C16orf96: variants seen among roughly 807,000 people sequenced by gnomAD.
C16orf96 encodes the protein chromosome 16 open reading frame 96, also known as uncharacterized protein C16orf96.
C16orf96 carries 108 observed loss-of-function variants against 103.6 expected under a neutral mutation model. The ratio of observed to expected loss-of-function variants is 1.04; its 90% CI spans 0.89 to 1.22. C16orf96 has a LOEUF of 1.22. C16orf96 is among the 50% of genes most tolerant of loss of function. The probability of loss-of-function intolerance (pLI) is 0.00; values close to 1 mark genes in which losing one functional copy is unlikely to be tolerated. For missense variants in C16orf96, 1,586 were observed against 1,464.2 expected (o/e 1.08, Z -1.36); for synonymous variants, 566 against 593.5 (o/e 0.95, Z 0.67).
chr16:4,553,675 A>G (rs113823292), upstream of C16orf96, among the ~76,000 whole-genome samples: 29 of 152,066 alleles, frequency 1.9e-4, no homozygotes, highest in East Asian at 3.9e-4. Context: ...GTGTCTTGCT[A>G]TGTTGCTCAG....
chr16:4,580,014 G>T lies in C16orf96; in HGVS notation c.2242-1G>T. The stretch of plus-strand genomic sequence containing the variant: ...GGGGTGTCTGTGTCTCCCCCTTTTA[G>T]GAGGAAGAACTTGAGAGAATTTGGG... On this transcript the variant is annotated splice_acceptor_variant, in intron 6 of 15. Transcript: ENST00000444310. LOFTEE classifies it high-confidence loss of function. 6.4e-7 allele frequency: 1 copy of T among 1,550,896 alleles called. No individual in the cohort carries two copies. The highest frequency in any genetic ancestry group is 8.7e-7 in the Non-Finnish European group (1 of 1,146,522).
chr16:4,586,591 G>C (rs1896933284), intron 7 of C16orf96, among the ~76,000 whole-genome samples: 1 of 152,196 alleles, frequency 6.6e-6, no homozygotes, highest in Non-Finnish European at 1.5e-5. Flanking sequence ...GGTTCTTTGT[G>C]GAGTTGTGGG....
Position 4,575,179 on chromosome 16 carries a change from T to C in C16orf96, c.699T>C (p.Ile233=). Residue 233 remains isoleucine (I), a synonymous_variant, in exon 5 of 16, where the codon ATT becomes ATC. Transcript: ENST00000444310. The part of the protein sequence containing the change: ...GLHDAMFTSE[I]GSSPLDLWQS... ...CTCTGCCCCCTCTTCTGCAGGAAAT[T>C]GGTTCATCACCACTGGACCTGTGGC... 6.5e-7 allele frequency: 1 copy of C among 1,545,830 alleles called. No individual in the cohort carries two copies.
At chr16:4,540,062 C>G in the C16orf96 span, among the ~76,000 whole-genome samples, 1 of 152,198 alleles carries the variant, frequency 6.6e-6, no homozygotes, top group Non-Finnish European at 1.5e-5. Flanking sequence ...GTGGATTAAA[C>G]TCTTTCTCTA....
chr16:4,555,277 C>T (rs1358215736), upstream of C16orf96, among the ~76,000 whole-genome samples: 3 of 10,864 alleles, frequency 2.8e-4, no homozygotes, highest in African/African-American at 9.8e-4. Context: ...ACTACACACA[C>T]ACACACACAC....
chr16:4,565,695 G>A (rs2059379718), intron 1 of C16orf96, among the ~76,000 whole-genome samples: 1 of 152,114 alleles, frequency 6.6e-6, no homozygotes, highest in Non-Finnish European at 1.5e-5. Context: ...TACCATGTTG[G>A]CCAGGCTGAT....
chr16:4,575,109 T>A, intron 4 of C16orf96, 51 bp downstream of exon 4: 1 of 1,549,262 alleles, frequency 6.5e-7, no homozygotes, highest in Non-Finnish European at 8.7e-7. Context: ...AGCAGGCGGG[T>A]GGCTGACTGA....
chr16:4,568,849 C>T (rs547161376), intron 1 of C16orf96, among the ~76,000 whole-genome samples: 7 of 151,352 alleles, frequency 4.6e-5, no homozygotes, highest in Non-Finnish European at 8.9e-5. Context: ...AGGCTGGTTT[C>T]GAACTCCTGG....
chr16:4,574,734 T>C lies in C16orf96; in HGVS notation c.551T>C (p.Phe184Ser). Residue 184 changes from phenylalanine (F) to serine (S), a missense_variant, in exon 3 of 16, where the codon TTT becomes TCT. By Grantham distance (155) the Phe-to-Ser change is radical (BLOSUM62 -2). Coordinates refer to ENST00000444310, the MANE Select transcript of C16orf96 (RefSeq NM_001145011.2). ...DKVHPERMDIFAEDFKIQNWK... is the reference protein window; with the variant it reads ...DKVHPERMDISAEDFKIQNWK... ...GTACACCCAGAAAGAATGGACATCT[T>C]TGCTGAAGACTTCAAAATACAGAAC... The C allele has an allele frequency of 6.4e-7, 1 of 1,551,882 alleles. No individual in the cohort carries two copies. The highest frequency in any genetic ancestry group is 1.4e-5 in the African/African-American group (1 of 73,154).
chr16:4,581,078 C>A (rs1291876725), intron 7 of C16orf96, among the ~76,000 whole-genome samples: 3 of 144,364 alleles, frequency 2.1e-5, no homozygotes, highest in Non-Finnish European at 3.0e-5. Flanking sequence ...GAGCCCCGAT[C>A]GTGCCATTGC....
intron 1 of C16orf96, among the ~76,000 whole-genome samples, chr16:4,565,375 CAGG>C (rs2059376597): frequency 6.6e-6 from 1 of 152,228 alleles, no homozygotes; most frequent in African/African-American, 2.4e-5. Flanking sequence ...TTCCCCAGGA[CAGG>C]AGTCCAGAGC....
In C16orf96 at chr16:4,600,715, T is replaced by G; in HGVS notation, c.*398T>G. The stretch of plus-strand genomic sequence containing the variant: ...ATAAATACAAACAGCACAGTGCACA[T>G]TCTCATTCTACATTGTCATATAAAC... On this transcript the variant is annotated 3_prime_UTR_variant, in exon 16 of 16. Coordinates refer to ENST00000444310, the MANE Select transcript of C16orf96 (RefSeq NM_001145011.2). 1 of 197,304 alleles carries G rather than the reference T, an allele frequency of 5.1e-6. No individual in the cohort carries two copies. Among genetic ancestry groups the G allele is most frequent in the Non-Finnish European group, 1.1e-5 (1 of 94,428 alleles). The allele number at this position is 197,304 out of a possible 1,614,324, so 12.2% of individuals were successfully genotyped here. A position where few individuals can be genotyped will look rare whatever the true frequency, so the allele number is the denominator to read the frequency against.
In C16orf96 at chr16:4,573,534, C is replaced by T. The variant is rs566861762; in HGVS notation, c.526-1175C>T. ...TTGGGAGGCTGAGGTGGGCAGATCA[C>T]AAGGTCAGGAGATCGAGACCATCCT... On this transcript the variant is annotated intron_variant, in intron 2 of 15. Transcript: ENST00000444310. Among the ~76,000 whole-genome samples the T allele has an allele frequency of 5.3e-5, 8 of 149,668 alleles. No homozygotes were observed. The East Asian group carries it at 1.2e-3, about 22-fold the overall frequency.
rs141290971 is a variant in C16orf96 at position 4,586,996 on chromosome 16, A to G, written c.2353-43A>G. On this transcript the variant is annotated intron_variant, in intron 7 of 15. Coordinates refer to ENST00000444310, the MANE Select transcript of C16orf96 (RefSeq NM_001145011.2). ...GTGGGAGGTTGACATTTTATCCTCA[A>G]GGCTCTCCAGGATGGCAGACATGCC... 5.7e-4 allele frequency: 876 copies of G among 1,524,384 alleles called. 19 individuals carry two copies. The East Asian group carries it at 0.021, about 37-fold the overall frequency. The allele number at this position is 1,524,384 out of a possible 1,614,324, so 94.4% of individuals were successfully genotyped here.
rs1417257888 is a variant in C16orf96, at chr16:4,576,249, A to T, written c.1769A>T (p.Lys590Ile). 1 of 1,550,784 alleles carries T rather than the reference A, an allele frequency of 6.4e-7. No homozygotes were observed. Among genetic ancestry groups the T allele is most frequent in the Admixed American group, 2.0e-5 (1 of 50,998 alleles). ...ACATCCTCCGCTGCCCAGGCAGCCA[A>T]AGTTGCTGCCAAGTTTGTCAAGGAT... The part of the protein sequence containing the change: ...AATSSAAQAA[K>I]VAAKFVKDAP... Residue 590 changes from lysine (K) to isoleucine (I), a missense_variant, in exon 5 of 16, where the codon AAA becomes ATA. Transcript: ENST00000444310.
chr16:4,577,930 C>T (rs530845763), intron 5 of C16orf96, among the ~76,000 whole-genome samples: 79 of 152,046 alleles, frequency 5.2e-4, no homozygotes, highest in Admixed American at 2.4e-3. Context: ...CCCGCCTGGG[C>T]GATAGCGAGA....
intron 14 of C16orf96, among the ~76,000 whole-genome samples, chr16:4,596,148 G>T (rs1897166716): frequency 1.3e-5 from 2 of 152,134 alleles, no homozygotes; most frequent in African/African-American, 4.8e-5. Context: ...CAAGCAGGGT[G>T]GCTTAAAGCA....
the C16orf96 span, among the ~76,000 whole-genome samples, chr16:4,544,134 AAGTCAAATAGAAC>A: frequency 6.6e-6 from 1 of 152,140 alleles, no homozygotes; most frequent in South Asian, 2.1e-4. Flanking sequence ...CATGCAGTAA[AAGTCAAATAGAAC>A]AGTCAACGTG....
chr16:4,542,377 TAAATAAAAATTTGA>T, the C16orf96 span, among the ~76,000 whole-genome samples: 9 of 151,926 alleles, frequency 5.9e-5, no homozygotes, highest in African/African-American at 2.2e-4. Flanking sequence ...AAAAAATAAA[TAAATAAAAATTTGA>T]AAATAAAAAT....
Sources: allele counts gnomAD v4.1 joint callset (sites outside exome capture counted in the v4.1 genomes callset), GRCh38; gene constraint gnomAD v4.1.1; transcripts MANE v1.5; gene names NCBI Gene and HGNC (gene_info 2026-07-23, HGNC 2026-07-21).